TOGARAM2: variants seen among roughly 807,000 people sequenced by gnomAD.
The protein encoded by TOGARAM2 is TOG array regulator of axonemal microtubules protein 2.
A neutral mutation model predicts 93.3 loss-of-function variants in TOGARAM2; 85 were observed. The observed-to-expected ratio is 0.91, with a 90% confidence interval of 0.76 to 1.09. The LOEUF (loss-of-function observed/expected upper bound fraction) is 1.09. Ranked by LOEUF, TOGARAM2 falls within the 50% of genes least tolerant of loss-of-function variation. TOGARAM2 has a pLI of 0.00. For missense variants in TOGARAM2, 1,277 were observed against 1,334.5 expected, an observed-to-expected ratio of 0.96 and a Z score of 0.67; for synonymous variants, 593 against 552.8, an observed-to-expected ratio of 1.07 and a Z score of -1.02.
At position 29,036,701 on chromosome 2, in the gene TOGARAM2, A is replaced by T; in HGVS notation, c.2579A>T (p.Asn860Ile). The T allele has an allele frequency of 1.9e-6, 3 of 1,613,792 alleles. No individual in the cohort carries two copies. The highest frequency in any genetic ancestry group is 2.5e-6 in the Non-Finnish European group (3 of 1,179,842). The change falls in exon 18 of 20, where the codon AAC (asparagine) becomes ATC (isoleucine). Residue 860 changes from asparagine (N) to isoleucine (I), a missense_variant. Transcript: ENST00000379558. ...ITVADNLNSK[N>I]SGIYAAAVAV... Reference sequence around the variant, plus strand: ...GTTGCAGACAACCTCAACTCCAAGAACTCAGGGATTTACGCTGCTGCCGTG... The same window carrying T: ...GTTGCAGACAACCTCAACTCCAAGATCTCAGGGATTTACGCTGCTGCCGTG...
chr2:29,017,469 C>A (rs1664655558), intron 9 of TOGARAM2, among the ~76,000 whole-genome samples, 165 bp downstream of exon 9: 1 of 152,180 alleles, frequency 6.6e-6, no homozygotes, highest in African/African-American at 2.4e-5. Flanking sequence ...GGCAGTGACA[C>A]AATCACAGCT....
upstream of TOGARAM2, among the ~76,000 whole-genome samples, chr2:28,980,335 G>A (rs890576889): frequency 6.6e-5 from 10 of 152,202 alleles, no homozygotes; most frequent in African/African-American, 2.4e-4. Flanking sequence ...GAGCTACCCC[G>A]TGTGCAAGCA....
intron 1 of TOGARAM2, among the ~76,000 whole-genome samples, chr2:28,985,657 C>T (rs4665441): frequency 0.96 from 146,600 of 152,312 alleles, 70,731 homozygotes; most frequent in Non-Finnish European, 1. Context: ...AAGTTACATA[C>T]GCTTTGTTAC....
intron 1 of TOGARAM2, among the ~76,000 whole-genome samples, chr2:28,992,113 T>G (rs552643566): frequency 1.9e-4 from 29 of 152,242 alleles, no homozygotes; most frequent in African/African-American, 6.3e-4. Context: ...AATTGTGCCT[T>G]GGGGGTCAGG....
chr2:28,969,306 G>A (rs926183682), intron 1 of TOGARAM2, among the ~76,000 whole-genome samples: 10 of 152,214 alleles, frequency 6.6e-5, no homozygotes, highest in African/African-American at 2.2e-4. Context: ...GAGAGGTCAA[G>A]GGCTTTGCCC....
chr2:28,983,437 C>T (rs1259470848), intron 1 of TOGARAM2, among the ~76,000 whole-genome samples: 1 of 151,862 alleles, frequency 6.6e-6, no homozygotes, highest in Non-Finnish European at 1.5e-5. Context: ...TTGGGTCTGT[C>T]TTCTTTCACT....
chr2:29,004,640 G>C (rs575540675), intron 6 of TOGARAM2, among the ~76,000 whole-genome samples: 1,333 of 66,738 alleles, frequency 0.02, 10 homozygotes, highest in Middle Eastern at 0.048. Context: ...GTGAGTGTAT[G>C]TGTATGAGTG....
At chr2:28,999,553 C>T (rs1673176771) in intron 4 of TOGARAM2, 85 bp downstream of exon 4, 13 of 1,439,374 alleles carry the variant, frequency 9.0e-6, no homozygotes, top group Non-Finnish European at 1.1e-5. Flanking sequence ...GGTCAGCAGG[C>T]TTCCAGGTGG....
At chr2:28,962,479 A>C (rs1420501605) in intron 1 of TOGARAM2, among the ~76,000 whole-genome samples, 1 of 151,782 alleles carries the variant, frequency 6.6e-6, no homozygotes, top group African/African-American at 2.4e-5. Flanking sequence ...CAGCCTACAT[A>C]TTTACTCGTG....
At chr2:29,001,574 C>T (rs1255752426) in intron 4 of TOGARAM2, among the ~76,000 whole-genome samples, 3 of 151,640 alleles carry the variant, frequency 2.0e-5, no homozygotes, top group Admixed American at 6.6e-5. Context: ...GATCTCGGCT[C>T]ACCGCAACCT....
chr2:29,015,014 C>G (rs756339404), intron 8 of TOGARAM2, among the ~76,000 whole-genome samples: 4 of 152,192 alleles, frequency 2.6e-5, no homozygotes, highest in Non-Finnish European at 5.9e-5. Context: ...TGGCGAATAC[C>G]TCACACTTCT....
intron 14 of TOGARAM2, 155 bp from the exon 15 acceptor site, chr2:29,032,779 T>C (rs1665847176): frequency 3.3e-6 from 2 of 601,478 alleles, no homozygotes. Context: ...ATGTTTATTT[T>C]ATTAATCTAT....
chr2:29,001,076 C>T (rs919106166), intron 4 of TOGARAM2, among the ~76,000 whole-genome samples: 2 of 152,152 alleles, frequency 1.3e-5, no homozygotes, highest in Admixed American at 6.5e-5. Context: ...GGATCTCTGG[C>T]CCCCGGGCAG....
At chr2:29,020,132 G>A (rs1368393014) in intron 10 of TOGARAM2, among the ~76,000 whole-genome samples, 4 of 152,182 alleles carry the variant, frequency 2.6e-5, no homozygotes, top group African/African-American at 4.8e-5. Context: ...AGCTGATCCC[G>A]ACTGGCTACT....
intron 17 of TOGARAM2, 104 bp from the exon 18 acceptor site, chr2:29,036,437 C>A: frequency 1.0e-6 from 1 of 989,552 alleles, no homozygotes; most frequent in Non-Finnish European, 1.6e-6. Context: ...GGAGTCTCTG[C>A]TGAGGTCGCT....
chr2:28,972,065 G>T (rs563421645), intron 1 of TOGARAM2, among the ~76,000 whole-genome samples: 2 of 152,232 alleles, frequency 1.3e-5, no homozygotes, highest in East Asian at 1.9e-4. Context: ...GGTAAGAAAT[G>T]AGTTCAGTAT....
chr2:29,016,358 G>A (rs1243328366), intron 8 of TOGARAM2, among the ~76,000 whole-genome samples: 6 of 152,140 alleles, frequency 3.9e-5, no homozygotes, highest in African/African-American at 7.2e-5. Context: ...TCCAGTGTGA[G>A]GCTAGCTCCA....
At position 29,017,834 on chromosome 2, in the gene TOGARAM2, C is replaced by G. The variant is rs769650061; in HGVS notation, c.1238C>G (p.Thr413Ser). 6.2e-7 allele frequency: 1 copy of G among 1,613,316 alleles called. No individual in the cohort carries two copies. Among genetic ancestry groups the G allele is most frequent in the Non-Finnish European group, 8.5e-7 (1 of 1,179,668 alleles). ...LRGSGTLSVP[T>S]RLSGPCRNDV... ...GGCAGCGGGACACTGTCTGTGCCCACTAGGCTGAGCGGCCCATGCAGAAAC... is the reference window on the plus strand; with the variant it reads ...GGCAGCGGGACACTGTCTGTGCCCAGTAGGCTGAGCGGCCCATGCAGAAAC... Residue 413 changes from threonine to serine, a missense_variant, in exon 10 of 20, where the codon ACT (threonine) becomes AGT (serine). Transcript: ENST00000379558.
intron 1 of TOGARAM2, among the ~76,000 whole-genome samples, chr2:28,990,313 A>G (rs1672659425): frequency 6.6e-6 from 1 of 152,132 alleles, no homozygotes; most frequent in Non-Finnish European, 1.5e-5. Context: ...CTTCCTTAGG[A>G]AGTCCTTCCA....
Sources: gnomAD v4.1 joint callset for allele counts (sites outside exome capture counted in the v4.1 genomes callset) on GRCh38, gnomAD v4.1.1 for gene constraint, MANE v1.5 for transcripts, NCBI Gene and HGNC (gene_info 2026-07-23, HGNC 2026-07-21) for gene names.